The following PCDHA12 variants were observed in gnomAD, a reference collection of about 807,000 sequenced individuals.
The protein encoded by PCDHA12 is protocadherin alpha 12, also known as protocadherin alpha-12.
PCDHA12 carries 44 observed loss-of-function variants against 60.0 expected under a neutral mutation model. The ratio of observed to expected loss-of-function variants is 0.73; its 90% CI spans 0.58 to 0.94. PCDHA12 has a LOEUF of 0.94. Ranked by LOEUF, PCDHA12 falls within the 40% of genes least tolerant of loss-of-function variation. PCDHA12 has a pLI of 0.00. For missense variants in PCDHA12, 1,276 were observed against 1,239.7 expected, an observed-to-expected ratio of 1.03 and a Z score of -0.44; for synonymous variants, 569 against 553.0, an observed-to-expected ratio of 1.03 and a Z score of -0.40.
chr5:140,967,273 A>G lies in PCDHA12; in HGVS notation c.2368-11676A>G, dbSNP rs2096121712. The G allele has an allele frequency of 1.9e-6, 3 of 1,613,332 alleles. No individual in the cohort carries two copies. Among genetic ancestry groups the G allele is most frequent in the South Asian group, 2.2e-5 (2 of 91,074 alleles). On this transcript the variant is annotated intron_variant, in intron 1 of 3. Transcript: ENST00000398631. ...TGGCGCCTGGAGCGCGCTTTCACAT[A>G]GAGAGTGCGCAGGACCCCGACGTGG...
rs560121926 is a variant in PCDHA12 at position 140,949,352 on chromosome 5, T to A, written c.2368-29597T>A. Among the ~76,000 whole-genome samples, 6 of 151,992 alleles carry A rather than the reference T, an allele frequency of 3.9e-5. No individual in the cohort carries two copies. The South Asian group carries it at 1.2e-3, about 31-fold the overall frequency. On this transcript the variant is annotated intron_variant, in intron 1 of 3. Transcript: ENST00000398631. Reference sequence around the variant, plus strand: ...TTGTTATCCAGATTTTCTGTGTCTTTATTTTTTTGTCTAGTTGTCCTATCA... The same window carrying A: ...TTGTTATCCAGATTTTCTGTGTCTTAATTTTTTTGTCTAGTTGTCCTATCA...
chr5:140,989,563 C>A (rs1399360475), intron 3 of PCDHA12, among the ~76,000 whole-genome samples: 1 of 152,118 alleles, frequency 6.6e-6, no homozygotes, highest in Non-Finnish European at 1.5e-5. Flanking sequence ...TTTTGTGGCT[C>A]CGGCAAGCCC....
intron 3 of PCDHA12, among the ~76,000 whole-genome samples, chr5:141,005,470 G>T (rs1563690887): frequency 6.6e-6 from 1 of 151,956 alleles, no homozygotes; most frequent in African/African-American, 2.4e-5. Flanking sequence ...TTGGGAGGCC[G>T]AGACGGGCGG....
chr5:140,967,278 G>T, intron 1 of PCDHA12: 1 of 1,613,408 alleles, frequency 6.2e-7, no homozygotes, highest in Non-Finnish European at 8.5e-7. Context: ...CACATAGAGA[G>T]TGCGCAGGAC....
At chr5:140,931,246 C>A (rs2087398062) in intron 1 of PCDHA12, among the ~76,000 whole-genome samples, 1 of 152,114 alleles carries the variant, frequency 6.6e-6, no homozygotes, top group East Asian at 1.9e-4. Flanking sequence ...ACTTTTCCTA[C>A]CAAGAAATTT....
intron 1 of PCDHA12, among the ~76,000 whole-genome samples, chr5:140,905,243 T>C (rs962108553): frequency 7.2e-5 from 11 of 152,184 alleles, no homozygotes; most frequent in Non-Finnish European, 1.5e-4. Context: ...CCAGTTTCAT[T>C]CTTCCACATG....
At chr5:141,008,582 G>A (rs1554261823) in intron 3 of PCDHA12, among the ~76,000 whole-genome samples, 1 of 152,130 alleles carries the variant, frequency 6.6e-6, no homozygotes. Context: ...CCAAGACTCA[G>A]GGCAGATTTC....
At chr5:140,922,802 GA>G (rs1475670811) in intron 1 of PCDHA12, among the ~76,000 whole-genome samples, 1 of 152,162 alleles carries the variant, frequency 6.6e-6, no homozygotes, top group African/African-American at 2.4e-5. Flanking sequence ...TTGGAATACA[GA>G]AAAAGGAGAT....
chr5:140,955,386 G>T (rs942993673), intron 1 of PCDHA12, among the ~76,000 whole-genome samples: 4 of 152,080 alleles, frequency 2.6e-5, no homozygotes, highest in African/African-American at 9.7e-5. Flanking sequence ...AATCATGGGG[G>T]CAATTATCCC....
chr5:140,978,424 T>C (rs1554239310), intron 1 of PCDHA12, among the ~76,000 whole-genome samples: 1 of 152,238 alleles, frequency 6.6e-6, no homozygotes, highest in African/African-American at 2.4e-5. Flanking sequence ...GAGACTGTTA[T>C]CAGTTGCTGG....
chr5:140,959,107 C>A (rs1330357931), intron 1 of PCDHA12, among the ~76,000 whole-genome samples: 1 of 151,920 alleles, frequency 6.6e-6, no homozygotes, highest in South Asian at 2.1e-4. Context: ...CAGCAGGGGT[C>A]CGAAGGTGGG....
chr5:140,896,583 G>T (rs557774521), intron 1 of PCDHA12, among the ~76,000 whole-genome samples: 1 of 151,654 alleles, frequency 6.6e-6, no homozygotes, highest in South Asian at 2.1e-4. Context: ...TGACGTGTTG[G>T]CCAGGCTGGT....
At chr5:141,006,950 T>G (rs1169196116) in intron 3 of PCDHA12, among the ~76,000 whole-genome samples, 1 of 152,148 alleles carries the variant, frequency 6.6e-6, no homozygotes, top group African/African-American at 2.4e-5. Flanking sequence ...AGATAGGCAG[T>G]TATACATGAG....
intron 3 of PCDHA12, among the ~76,000 whole-genome samples, chr5:140,999,654 C>T (rs180994815): frequency 1.3e-3 from 194 of 152,238 alleles, no homozygotes; most frequent in African/African-American, 4.4e-3. Context: ...AGCCTGAGCC[C>T]TGCTGGGTTG....
chr5:141,007,678 A>T (rs1472767852), intron 3 of PCDHA12, among the ~76,000 whole-genome samples: 1 of 152,236 alleles, frequency 6.6e-6, no homozygotes, highest in Non-Finnish European at 1.5e-5. Context: ...GACAAAAGTT[A>T]TCCTACTTCC....
At chr5:140,966,097 C>T (rs1215509140) in intron 1 of PCDHA12, 2 of 154,754 alleles carry the variant, frequency 1.3e-5, no homozygotes, top group Non-Finnish European at 2.9e-5. Flanking sequence ...GTTAGATCCG[C>T]CGCCTGGGTG....
intron 3 of PCDHA12, among the ~76,000 whole-genome samples, chr5:140,998,708 GC>G (rs1350967952): frequency 1.3e-5 from 2 of 152,024 alleles, no homozygotes; most frequent in Admixed American, 6.6e-5. Context: ...GGGATTACAA[GC>G]TTGCACCACC....
At chr5:140,937,507 C>G (rs1427417860) in intron 1 of PCDHA12, among the ~76,000 whole-genome samples, 1 of 152,106 alleles carries the variant, frequency 6.6e-6, no homozygotes, top group Non-Finnish European at 1.5e-5. Context: ...ATCCCAGCTA[C>G]TCAGGAGGCT....
intron 1 of PCDHA12, among the ~76,000 whole-genome samples, chr5:140,970,659 T>C (rs1243959173): frequency 4.6e-5 from 7 of 152,238 alleles, no homozygotes; most frequent in Non-Finnish European, 2.9e-5. Context: ...AATTGTTATC[T>C]TTCCAAATAA....
Sources: allele counts gnomAD v4.1 joint callset (sites outside exome capture counted in the v4.1 genomes callset), GRCh38; gene constraint gnomAD v4.1.1; transcripts MANE v1.5; gene names NCBI Gene and HGNC (gene_info 2026-07-23, HGNC 2026-07-21).